Variants in STS observed in about 807,000 individuals in gnomAD.
The protein encoded by STS is steryl-sulfatase.
A neutral mutation model predicts 26.8 loss-of-function variants in STS; 7 were observed. That is an observed-to-expected ratio of 0.26 (90% CI 0.15 to 0.49). The LOEUF is 0.49. Ranked by LOEUF, STS falls within the 20% of genes least tolerant of loss-of-function variation. STS has a pLI of 0.98. For missense variants in STS, 434 were observed against 465.6 expected, an observed-to-expected ratio of 0.93 and a Z score of 0.63; for synonymous variants, 199 against 189.4, an observed-to-expected ratio of 1.05 and a Z score of -0.42.
At chrX:7,279,329 G>A (rs1217807439) in intron 7 of STS, among the ~76,000 whole-genome samples, 4 of 84,743 alleles carry the variant, frequency 4.7e-5, no homozygotes, top group African/African-American at 1.9e-4. Context: ...GTGTGTGTGT[G>A]TGTGTGTGTA....
intron 10 of STS, among the ~76,000 whole-genome samples, chrX:7,334,973 T>A (rs1927942568): frequency 8.9e-6 from 1 of 112,544 alleles, no homozygotes; most frequent in African/African-American, 3.2e-5. Flanking sequence ...TTCCATGGTG[T>A]ATATGTGCCA....
At chrX:7,323,446 G>T (rs1382505580) in intron 8 of STS, among the ~76,000 whole-genome samples, 2 of 110,951 alleles carry the variant, frequency 1.8e-5, no homozygotes, top group Non-Finnish European at 3.8e-5. Flanking sequence ...TGAATGTTTA[G>T]CTCCCACTTA....
chrX:7,315,285 T>C (rs1209381541), intron 8 of STS, among the ~76,000 whole-genome samples: 1 of 112,143 alleles, frequency 8.9e-6, no homozygotes, highest in Non-Finnish European at 1.9e-5. Context: ...TTGTCATATG[T>C]CCCATAAACT....
At position 7,298,150 on chromosome X, in the gene STS, A is replaced by G. The variant is rs185828301; in HGVS notation, c.944-6896A>G. ...AAACACCAATATTCCCTGCAGTTAC[A>G]TTGAGTAGGTAGGAAAGACTTCCTT... On this transcript the variant is annotated intron_variant, in intron 7 of 10. Transcript: ENST00000674429. 2.7e-4 allele frequency among the ~76,000 whole-genome samples: 30 copies of G among 111,719 alleles called. No individual in the cohort carries two copies. In the East Asian group the frequency reaches 6.2e-3, roughly 23 times the overall value.
Position 7,350,347 on chromosome X carries a change from AACT to A in STS, c.*87_*89del, listed in dbSNP as rs1928744895. On this transcript the variant is annotated 3_prime_UTR_variant, in exon 11 of 11. Transcript: ENST00000674429. ...CCTGAGAGTGGCACTGGGGAAACAT[AACT>A]CCATCTACACCTTGGATTTGGACTG... 1 of 1,099,484 alleles carries A rather than the reference AACT, an allele frequency of 9.1e-7. No individual in the cohort carries two copies. Among genetic ancestry groups the A allele is most frequent in the South Asian group, 2.0e-5 (1 of 50,569 alleles). 90.6% of individuals were successfully genotyped at this position (1,099,484 alleles called of 1,213,427 possible). A position where few individuals can be genotyped will look rare whatever the true frequency, so the allele number is the denominator to read the frequency against.
intron 3 of STS, among the ~76,000 whole-genome samples, chrX:7,254,826 A>G (rs1354282687): frequency 1.8e-5 from 2 of 109,612 alleles, no homozygotes; most frequent in Non-Finnish European, 3.8e-5. Context: ...CTCGTGATCC[A>G]CCTGCCTCGG....
At chrX:7,338,187 G>A (rs757651096) in intron 10 of STS, among the ~76,000 whole-genome samples, 11 of 111,708 alleles carry the variant, frequency 9.8e-5, no homozygotes, top group Non-Finnish European at 1.7e-4. Flanking sequence ...TGGCTTTAAT[G>A]TTTGACATAT....
chrX:7,229,021 G>C (rs1257607996), intron 2 of STS, among the ~76,000 whole-genome samples: 1 of 112,026 alleles, frequency 8.9e-6, no homozygotes, highest in African/African-American at 3.2e-5. Flanking sequence ...CATGCTGTTT[G>C]CCTTTCCTGC....
intron 7 of STS, among the ~76,000 whole-genome samples, chrX:7,294,932 G>A (rs760796723): frequency 4.9e-4 from 55 of 111,659 alleles, no homozygotes; most frequent in Non-Finnish European, 9.4e-4. Context: ...CAAGTCCTGA[G>A]TTCTTGAGTT....
intron 1 of STS, among the ~76,000 whole-genome samples, chrX:7,169,079 TACA>T (rs1933409480): frequency 9.0e-6 from 1 of 111,534 alleles, no homozygotes; most frequent in South Asian, 3.9e-4. Flanking sequence ...TGTCTGGTTC[TACA>T]ACATTTTCAT....
chrX:7,325,078 G>A (rs1461706743), intron 8 of STS, among the ~76,000 whole-genome samples: 2 of 111,645 alleles, frequency 1.8e-5, no homozygotes, highest in African/African-American at 3.3e-5. Flanking sequence ...AATCTTTGTT[G>A]CGTTGAGTCC....
intron 5 of STS, 71 bp downstream of exon 5, chrX:7,257,659 C>A: frequency 8.6e-7 from 1 of 1,166,150 alleles, no homozygotes; most frequent in Non-Finnish European, 1.2e-6. Flanking sequence ...ACAAAGTTAG[C>A]AAAAGAGTGG....
chrX:7,196,744 GTCTC>G (rs765086517), intron 2 of STS, among the ~76,000 whole-genome samples: 3 of 111,849 alleles, frequency 2.7e-5, no homozygotes, highest in South Asian at 3.7e-4. Context: ...ACGTGTACCT[GTCTC>G]TCTATCTGTA....
chrX:7,350,181 T>G lies in STS; in HGVS notation c.1657T>G (p.Trp553Gly). Residue 553 changes from tryptophan (W) to glycine (G), a missense_variant, in exon 11 of 11, where the codon TGG becomes GGG. Physicochemically the swap from Trp to Gly is radical, Grantham distance 184 (BLOSUM62 -2). Coordinates refer to ENST00000674429, the MANE Select transcript of STS (RefSeq NM_001320752.2). ...FSWNNFLWKP[W>G]LQLCCPSTGL... ...ATGGAACAACTTTCTTTGGAAGCCC[T>G]GGCTTCAGCTGTGCTGTCCTTCCAC... The G allele has an allele frequency of 8.3e-7, 1 of 1,211,801 alleles. No homozygotes were observed. The highest frequency in any genetic ancestry group is 3.0e-5 in the East Asian group (1 of 33,813).
chrX:7,263,010 G>T (rs1018893047), intron 6 of STS, among the ~76,000 whole-genome samples: 1 of 112,383 alleles, frequency 8.9e-6, no homozygotes, highest in African/African-American at 3.2e-5. Context: ...AATGGACCAC[G>T]TATATGACAG....
intron 1 of STS, among the ~76,000 whole-genome samples, chrX:7,154,665 C>T (rs1311720204): frequency 9.0e-6 from 1 of 111,611 alleles, no homozygotes. Context: ...TCAAAAAGAG[C>T]CAAAAGGCAA....
At chrX:7,260,996 A>G (rs1923716033) in intron 6 of STS, among the ~76,000 whole-genome samples, 1 of 111,132 alleles carries the variant, frequency 9.0e-6, no homozygotes, top group Admixed American at 9.6e-5. Context: ...TGAATTACAT[A>G]GGTAGGTATA....
chrX:7,263,140 C>T (rs759534416), intron 6 of STS, among the ~76,000 whole-genome samples: 1 of 111,726 alleles, frequency 9.0e-6, no homozygotes, highest in Admixed American at 9.4e-5. Context: ...GCGATCTCGG[C>T]TCACTGCAAT....
chrX:7,319,995 TATA>T (rs1926905756), intron 8 of STS, among the ~76,000 whole-genome samples: 2 of 91,719 alleles, frequency 2.2e-5, no homozygotes, highest in African/African-American at 8.7e-5. Flanking sequence ...TATTTATATA[TATA>T]TTTTTATATA....
Sources: allele counts gnomAD v4.1 joint callset (sites outside exome capture counted in the v4.1 genomes callset), GRCh38; gene constraint gnomAD v4.1.1; transcripts MANE v1.5; gene names NCBI Gene and HGNC (gene_info 2026-07-23, HGNC 2026-07-21).